Variants in DRAM1 observed in about 807,000 individuals in gnomAD.
DRAM1 encodes DNA damage-regulated autophagy modulator protein 1.
A neutral mutation model predicts 28.5 loss-of-function variants in DRAM1; 25 were observed. The observed-to-expected ratio is 0.88, with a 90% CI of 0.64 to 1.23. The LOEUF (loss-of-function observed/expected upper bound fraction) is 1.23, where lower values mean the gene tolerates loss of function less well. Ranked by LOEUF, DRAM1 falls within the 50% of genes most tolerant of loss-of-function variation. The pLI is 0.00. For missense variants in DRAM1, 249 were observed against 299.2 expected (o/e 0.83, Z 1.24); for synonymous variants, 113 against 114.2 (o/e 0.99, Z 0.07).
rs943379691 is a variant in DRAM1, at chr12:101,922,049, T to C, written c.*789T>C. 6.6e-6 allele frequency: 1 copy of C among 152,210 alleles called. No individual in the cohort carries two copies. Among genetic ancestry groups the C allele is most frequent in the Admixed American group, 6.5e-5 (1 of 15,286 alleles). The allele number at this position is 152,210 out of a possible 1,614,324, so 9.4% of individuals were successfully genotyped here. On this transcript the variant is annotated 3_prime_UTR_variant, in exon 7 of 7. Coordinates refer to ENST00000258534, the MANE Select transcript of DRAM1 (RefSeq NM_018370.3). ...TTATTGTTGCTGGCACAACTTGATA[T>C]ATAGTCTGACTCAGAACTGAAGCTC... is the stretch of plus-strand genomic sequence containing the variant.
At chr12:101,907,199 CAAAAA>C (rs397965756) in intron 3 of DRAM1, among the ~76,000 whole-genome samples, 1 of 85,146 alleles carries the variant, frequency 1.2e-5, no homozygotes, top group Non-Finnish European at 2.3e-5. Context: ...GACCCTGTCT[CAAAAA>C]AAAAAAAAAA....
At chr12:101,886,510 A>AT (rs529505151) in intron 1 of DRAM1, among the ~76,000 whole-genome samples, 59 of 152,350 alleles carry the variant, frequency 3.9e-4, no homozygotes, top group Admixed American at 3.0e-3. Flanking sequence ...TTGGGAGCTA[A>AT]TTTTAGAAGT....
intron 1 of DRAM1, among the ~76,000 whole-genome samples, chr12:101,896,368 C>T (rs1873374804): frequency 6.6e-6 from 1 of 152,156 alleles, no homozygotes; most frequent in South Asian, 2.1e-4. Flanking sequence ...TAGAAACACT[C>T]AAAATGAGTT....
At chr12:101,908,444 A>G in intron 4 of DRAM1, 81 bp downstream of exon 4, 2 of 1,411,848 alleles carry the variant, frequency 1.4e-6, no homozygotes, top group Non-Finnish European at 9.7e-7. Context: ...TGAAGACTTT[A>G]TAGGGACCGC....
At chr12:101,878,574 A>G (rs889427275) in intron 1 of DRAM1, among the ~76,000 whole-genome samples, 15 of 152,324 alleles carry the variant, frequency 9.8e-5, no homozygotes, top group African/African-American at 3.6e-4. Flanking sequence ...ACAACTTGTG[A>G]CATCTTTTGT....
intron 5 of DRAM1, among the ~76,000 whole-genome samples, chr12:101,915,949 G>C (rs1457427352): frequency 6.6e-6 from 1 of 152,206 alleles, no homozygotes; most frequent in African/African-American, 2.4e-5. Context: ...TGGAGAGCTT[G>C]GCATTAGGAG....
intron 1 of DRAM1, chr12:101,889,962 A>C (rs1488896204): frequency 2.7e-6 from 1 of 376,956 alleles, no homozygotes; most frequent in African/African-American, 2.2e-5. Flanking sequence ...AAAAAAAAAA[A>C]GATGCCAGTA....
intron 2 of DRAM1, among the ~76,000 whole-genome samples, chr12:101,898,812 G>T (rs1873485849): frequency 6.6e-6 from 1 of 152,180 alleles, no homozygotes; most frequent in South Asian, 2.1e-4. Flanking sequence ...GCAAGGAATA[G>T]TATGATTTTT....
intron 1 of DRAM1, among the ~76,000 whole-genome samples, chr12:101,883,763 C>T (rs966813954): frequency 4.0e-5 from 6 of 150,886 alleles, no homozygotes; most frequent in African/African-American, 1.5e-4. Flanking sequence ...TTGTGAAACC[C>T]TATCTCTACT....
intron 1 of DRAM1, among the ~76,000 whole-genome samples, chr12:101,897,208 T>A (rs1253601866): frequency 3.4e-5 from 1 of 29,712 alleles, no homozygotes; most frequent in Admixed American, 2.9e-4. Context: ...TTTATTTTTA[T>A]TTTTTTTTTG....
At chr12:101,907,049 A>G (rs1873842799) in intron 3 of DRAM1, among the ~76,000 whole-genome samples, 1 of 151,282 alleles carries the variant, frequency 6.6e-6, no homozygotes, top group African/African-American at 2.4e-5. Flanking sequence ...TTCAAAAAAA[A>G]TTAGCCAGAA....
At chr12:101,899,681 CAAAAA>C (rs55642593) in intron 2 of DRAM1, among the ~76,000 whole-genome samples, 2 of 102,740 alleles carry the variant, frequency 1.9e-5, no homozygotes. Flanking sequence ...CCTGTCTCCA[CAAAAA>C]AAAAAAAAAA....
intron 1 of DRAM1, among the ~76,000 whole-genome samples, chr12:101,878,164 T>C (rs1872563567): frequency 6.6e-6 from 1 of 152,060 alleles, no homozygotes; most frequent in Admixed American, 6.6e-5. Flanking sequence ...AGGTTCAGGA[T>C]AGATGGTAGA....
rs1381840185 is a variant in DRAM1, at chr12:101,901,312, G to T, written c.221G>T (p.Arg74Ile). The stretch of plus-strand genomic sequence containing the variant: ...TCAGGTGCAGCCACGATGTATACAA[G>T]ATACAAAATAGTACAGAAGCAAAAT... ...AFLGAATMYT[R>I]YKIVQKQNQT... The change falls in exon 3 of 7, where the codon AGA (arginine) becomes ATA (isoleucine). Residue 74 changes from arginine to isoleucine, a missense_variant. Around this residue, in one of 3 missense-constraint regions of DRAM1, gnomAD observed 218 missense variants for 243.1 expected, o/e 0.90. Transcript: ENST00000258534. 1.2e-6 allele frequency: 2 copies of T among 1,614,084 alleles called. No homozygotes were observed. Among genetic ancestry groups the T allele is most frequent in the South Asian group, 1.1e-5 (1 of 91,072 alleles).
chr12:101,887,456 A>G (rs1331272485), intron 1 of DRAM1, among the ~76,000 whole-genome samples: 1 of 152,212 alleles, frequency 6.6e-6, no homozygotes, highest in Non-Finnish European at 1.5e-5. Flanking sequence ...GCAAATGAAT[A>G]CACATTGATA....
chr12:101,895,199 T>TTGTTTTTTTTTTTTTTTTTG (rs1566123841), intron 1 of DRAM1, among the ~76,000 whole-genome samples: 1 of 129,194 alleles, frequency 7.7e-6, no homozygotes, highest in Non-Finnish European at 1.6e-5. Context: ...TTTTTTTTTT[T>TTGTTTTTTTTTTTTTTTTTG]TTTTTTTTTT....
intron 5 of DRAM1, among the ~76,000 whole-genome samples, chr12:101,919,276 A>T (rs529304659): frequency 4.7e-4 from 67 of 141,452 alleles, no homozygotes; most frequent in Middle Eastern, 7.1e-3. Context: ...ACACACAGAC[A>T]CACACACGCA....
intron 5 of DRAM1, among the ~76,000 whole-genome samples, chr12:101,915,851 C>T (rs1196938800): frequency 3.3e-5 from 5 of 152,068 alleles, no homozygotes; most frequent in African/African-American, 9.7e-5. Context: ...TGAACCACCA[C>T]GCCCAACCTG....
At chr12:101,892,235 A>T (rs1189653304) in intron 1 of DRAM1, among the ~76,000 whole-genome samples, 4 of 150,324 alleles carry the variant, frequency 2.7e-5, no homozygotes, top group African/African-American at 7.3e-5. Flanking sequence ...TTTTTATTTT[A>T]TTTTTTATTT....
Sources: allele counts gnomAD v4.1 joint callset (sites outside exome capture counted in the v4.1 genomes callset), GRCh38; gene constraint gnomAD v4.1.1; regional missense constraint gnomAD v4.1.1; transcripts MANE v1.5; gene names NCBI Gene and HGNC (gene_info 2026-07-23, HGNC 2026-07-21).